Variants in TDP1 observed in about 807,000 individuals in gnomAD.
TDP1 encodes tyr-DNA phosphodiesterase 1.
Under a neutral mutation model 81.5 loss-of-function variants are expected in TDP1, and 64 were observed. That is an observed-to-expected ratio of 0.79 (90% CI 0.64 to 0.97). The LOEUF is 0.97. TDP1 is among the 50% of genes least tolerant of loss of function. The probability of loss-of-function intolerance (pLI) is 0.00; values close to 1 mark genes in which losing one functional copy is unlikely to be tolerated. For synonymous variants in TDP1, 256 were observed against 264.3 expected (o/e 0.97, Z 0.30); for missense variants, 723 against 743.8 (o/e 0.97, Z 0.33).
At chr14:89,969,318 A>G (rs1053980146) in intron 5 of TDP1, among the ~76,000 whole-genome samples, 18 of 152,328 alleles carry the variant, frequency 1.2e-4, no homozygotes, top group African/African-American at 4.3e-4. Context: ...CATCTTGGGA[A>G]GGCTATTACG....
intron 4 of TDP1, among the ~76,000 whole-genome samples, chr14:89,966,410 C>A (rs896966148): frequency 4.6e-5 from 7 of 152,284 alleles, no homozygotes; most frequent in Middle Eastern, 3.4e-3. Context: ...TGACTCAAGT[C>A]AGCCTCCGCT....
chr14:89,958,608 A>G (rs1341214435), intron 2 of TDP1, among the ~76,000 whole-genome samples: 2 of 152,218 alleles, frequency 1.3e-5, no homozygotes, highest in South Asian at 2.1e-4. Flanking sequence ...ATGACAATGT[A>G]AAAAACCAAT....
chr14:89,974,040 C>T (rs1452665737), intron 6 of TDP1, among the ~76,000 whole-genome samples: 1 of 152,156 alleles, frequency 6.6e-6, no homozygotes, highest in Non-Finnish European at 1.5e-5. Context: ...TAAAGTCCCT[C>T]TCTGCAAATA....
intron 8 of TDP1, chr14:89,983,394 G>A (rs968314966): frequency 5.7e-5 from 12 of 212,192 alleles, no homozygotes; most frequent in Non-Finnish European, 8.7e-5. Context: ...AATGCCCCTT[G>A]CTAGAAACTT....
intron 15 of TDP1, among the ~76,000 whole-genome samples, chr14:90,029,194 ATT>A (rs539198642): frequency 0.074 from 8,569 of 115,982 alleles, 502 homozygotes; most frequent in African/African-American, 0.21. Context: ...CCCTGCCATT[ATT>A]TTTTTTTTTT....
intron 16 of TDP1, among the ~76,000 whole-genome samples, chr14:90,039,683 A>G (rs1402444103): frequency 1.3e-5 from 2 of 152,132 alleles, no homozygotes; most frequent in Non-Finnish European, 2.9e-5. Flanking sequence ...TAAAAAAAAA[A>G]AAAAGAAACT....
At position 89,956,790 on chromosome 14, in the gene TDP1, G is replaced by C. The variant is rs1239586485; in HGVS notation, c.-18G>C. The C allele has an allele frequency of 6.6e-6, 1 of 152,228 alleles. No homozygotes were observed. Among genetic ancestry groups the C allele is most frequent in the Non-Finnish European group, 1.5e-5 (1 of 68,086 alleles). The allele number at this position is 152,228 out of a possible 1,614,324, so 9.4% of individuals were successfully genotyped here. A position where few individuals can be genotyped will look rare whatever the true frequency, so the allele number is the denominator to read the frequency against. On this transcript the variant is annotated 5_prime_UTR_variant, in exon 2 of 17. Transcript: ENST00000335725. ...TGGATGCCTGTAATCCTAGCTCCTCGGGAGGCTAAGGTAGGAGAATTGCTT... is the reference window on the plus strand; with the variant it reads ...TGGATGCCTGTAATCCTAGCTCCTCCGGAGGCTAAGGTAGGAGAATTGCTT...
At chr14:89,962,395 C>G (rs565204037) in intron 2 of TDP1, among the ~76,000 whole-genome samples, 1 of 152,214 alleles carries the variant, frequency 6.6e-6, no homozygotes, top group South Asian at 2.1e-4. Flanking sequence ...TGGGTGAAGG[C>G]TAGGTTTGTA....
At chr14:90,035,692 G>A (rs77149151) in intron 16 of TDP1, among the ~76,000 whole-genome samples, 5,801 of 148,254 alleles carry the variant, frequency 0.039, 374 homozygotes, top group African/African-American at 0.14. Context: ...TGCTACTTTT[G>A]TCTTTTCTCC....
At position 90,018,142 on chromosome 14, in the gene TDP1, C is replaced by A. The variant is rs190825145; in HGVS notation, c.1542-1174C>A. 3.0e-3 allele frequency among the ~76,000 whole-genome samples: 452 copies of A among 151,560 alleles called. 4 individuals carry two copies. The highest frequency in any genetic ancestry group is 4.5e-3 in the Non-Finnish European group (303 of 67,944). ...TCTCCAATTCCAGCAGACAATAGTT[C>A]CAGCACATAGCTCAGAAAACATACT... On this transcript the variant is annotated intron_variant, in intron 14 of 16. Transcript: ENST00000335725.
At position 90,042,673 on chromosome 14, in the gene TDP1, G is replaced by T. The variant is rs531155819; in HGVS notation, c.1754-397G>T. Reference sequence around the variant, plus strand: ...CATGGTGGCAGGCACGAGAGCACTTGTGTAGGGGAATTCCCCTTTATAAAA... The same window carrying T: ...CATGGTGGCAGGCACGAGAGCACTTTTGTAGGGGAATTCCCCTTTATAAAA... On this transcript the variant is annotated intron_variant, in intron 16 of 16. Coordinates refer to ENST00000335725, the MANE Select transcript of TDP1 (RefSeq NM_018319.4). Among the ~76,000 whole-genome samples, 6 of 152,332 alleles carry T rather than the reference G, an allele frequency of 3.9e-5. No individual in the cohort carries two copies. The South Asian group carries it at 1.2e-3, about 32-fold the overall frequency.
intron 14 of TDP1, among the ~76,000 whole-genome samples, chr14:89,998,372 T>TTATATA (rs58264054): frequency 2.2e-3 from 116 of 53,040 alleles, no homozygotes; most frequent in East Asian, 4.2e-3. Context: ...TCCAAGCACA[T>TTATATA]TATATATATA....
At chr14:90,028,025 C>T (rs922402953) in intron 15 of TDP1, among the ~76,000 whole-genome samples, 7 of 152,170 alleles carry the variant, frequency 4.6e-5, no homozygotes, top group African/African-American at 1.7e-4. Context: ...TCTTTTCTTT[C>T]CTTCTGAACT....
intron 14 of TDP1, among the ~76,000 whole-genome samples, chr14:89,998,736 G>A (rs1487696887): frequency 6.6e-6 from 1 of 151,904 alleles, no homozygotes; most frequent in African/African-American, 2.4e-5. Context: ...GTTGCTGAGG[G>A]ACGCGGGGTG....
At chr14:89,993,169 GCTT>G in intron 13 of TDP1, 1 of 983,840 alleles carries the variant, frequency 1.0e-6, no homozygotes, top group Non-Finnish European at 1.2e-6. Context: ...AGGTTGCAGT[GCTT>G]CTTGTGAAAA....
At chr14:90,004,583 G>T (rs1897481033) in intron 14 of TDP1, among the ~76,000 whole-genome samples, 1 of 152,204 alleles carries the variant, frequency 6.6e-6, no homozygotes, top group South Asian at 2.1e-4. Context: ...CTAGGATTTA[G>T]ACCCAGATAG....
intron 5 of TDP1, 93 bp downstream of exon 5, chr14:89,967,515 T>C (rs556855168): frequency 1.8e-6 from 2 of 1,121,842 alleles, no homozygotes; most frequent in South Asian, 2.5e-5. Context: ...CACTCATCTT[T>C]TGAGTTTTTC....
chr14:89,989,006 G>T lies in TDP1; in HGVS notation c.1233G>T (p.Trp411Cys). 6.2e-7 allele frequency: 1 copy of T among 1,614,184 alleles called. No homozygotes were observed. The highest frequency in any genetic ancestry group is 8.5e-7 in the Non-Finnish European group (1 of 1,179,996). ...VGSLGADESK[W>C]LCSEFKESML... Reference sequence around the variant, plus strand: ...CCTTGGGAGCCGATGAATCAAAGTGGTTATGTTCTGAGTTTAAAGAGAGCA... The same window carrying T: ...CCTTGGGAGCCGATGAATCAAAGTGTTTATGTTCTGAGTTTAAAGAGAGCA... The change falls in exon 11 of 17, where the codon TGG (tryptophan) becomes TGT (cysteine). Residue 411 changes from tryptophan to cysteine, a missense_variant. Physicochemically the swap from Trp to Cys is radical, Grantham distance 215 (BLOSUM62 -2). Transcript: ENST00000335725.
At chr14:89,979,452 GGT>G (rs1193574166) in intron 7 of TDP1, among the ~76,000 whole-genome samples, 1 of 152,082 alleles carries the variant, frequency 6.6e-6, no homozygotes, top group East Asian at 1.9e-4. Context: ...TGTGATTACA[GGT>G]GCCCACGACC....
Sources: allele counts gnomAD v4.1 joint callset (sites outside exome capture counted in the v4.1 genomes callset), GRCh38; gene constraint gnomAD v4.1.1; transcripts MANE v1.5; gene names NCBI Gene and HGNC (gene_info 2026-07-23, HGNC 2026-07-21).